Variants in ADAM23 observed in about 807,000 individuals in gnomAD.
ADAM23 encodes the protein ADAM metallopeptidase domain 23.
In ADAM23, 33 loss-of-function variants were observed where a neutral mutation model predicts 120.1. The observed-to-expected ratio is 0.27, with a 90% CI of 0.21 to 0.37. The LOEUF (loss-of-function observed/expected upper bound fraction) is 0.37, where lower values mean the gene tolerates loss of function less well. Ranked by LOEUF, ADAM23 falls within the 10% of genes least tolerant of loss-of-function variation. The probability of loss-of-function intolerance (pLI) is 1.00; values close to 1 mark genes in which losing one functional copy is unlikely to be tolerated. For synonymous variants in ADAM23, 367 were observed against 375.2 expected (o/e 0.98, Z 0.25); for missense variants, 862 against 1,058.2 (o/e 0.81, Z 2.57).
chr2:206,565,693 C>T (rs549658660), intron 14 of ADAM23, among the ~76,000 whole-genome samples: 4 of 152,276 alleles, frequency 2.6e-5, no homozygotes, highest in South Asian at 4.2e-4. Context: ...CTCATGGGAG[C>T]CACTGCCCCC....
At chr2:206,598,109 C>A (rs1698565315) in intron 24 of ADAM23, among the ~76,000 whole-genome samples, 1 of 152,126 alleles carries the variant, frequency 6.6e-6, no homozygotes, top group African/African-American at 2.4e-5. Flanking sequence ...ACAAAAAATT[C>A]TTGGATCCAC....
intron 24 of ADAM23, chr2:206,607,200 A>C (rs1306655978): frequency 1.3e-5 from 2 of 152,234 alleles, no homozygotes; most frequent in Admixed American, 6.5e-5. Context: ...AGGGGAAGCT[A>C]GAAATACTAG....
At chr2:206,506,053 C>T (rs1696490584) in intron 3 of ADAM23, among the ~76,000 whole-genome samples, 1 of 152,110 alleles carries the variant, frequency 6.6e-6, no homozygotes, top group Non-Finnish European at 1.5e-5. Context: ...TAGAATGGAT[C>T]ATCACATTAA....
chr2:206,539,204 G>C (rs2105804678), intron 4 of ADAM23, among the ~76,000 whole-genome samples: 1 of 152,278 alleles, frequency 6.6e-6, no homozygotes, highest in African/African-American at 2.4e-5. Flanking sequence ...GAGCATACTA[G>C]GATTTTTAAT....
At chr2:206,540,216 T>TACACACACACACACACACAC (rs71034461) in intron 4 of ADAM23, among the ~76,000 whole-genome samples, 34 of 131,932 alleles carry the variant, frequency 2.6e-4, no homozygotes, top group African/African-American at 8.6e-4. Context: ...CCCTTCACTG[T>TACACACACACACACACACAC]ACACACACAC....
At chr2:206,596,435 C>A (rs1921663) in intron 24 of ADAM23, among the ~76,000 whole-genome samples, 61,846 of 151,952 alleles carry the variant, frequency 0.41, 13,100 homozygotes, top group Non-Finnish European at 0.47. Context: ...CTCTTTAAAC[C>A]TTATTCTCTT....
At chr2:206,575,844 A>G (rs528066600) in intron 18 of ADAM23, among the ~76,000 whole-genome samples, 1 of 152,288 alleles carries the variant, frequency 6.6e-6, no homozygotes, top group South Asian at 2.1e-4. Context: ...CTTCTTCCCA[A>G]GCTTATCATT....
At chr2:206,497,786 A>T (rs1270311866) in intron 3 of ADAM23, among the ~76,000 whole-genome samples, 2 of 152,206 alleles carry the variant, frequency 1.3e-5, no homozygotes, top group African/African-American at 4.8e-5. Flanking sequence ...CCTTAAGCTG[A>T]TAAGCAACTT....
intron 18 of ADAM23, among the ~76,000 whole-genome samples, chr2:206,577,007 A>G (rs1044706594): frequency 6.6e-6 from 1 of 152,194 alleles, no homozygotes; most frequent in African/African-American, 2.4e-5. Flanking sequence ...TGTATAGCAT[A>G]ATGTACAAGG....
chr2:206,490,088 A>G (rs1029223495), intron 3 of ADAM23, among the ~76,000 whole-genome samples: 4 of 152,206 alleles, frequency 2.6e-5, no homozygotes, highest in Admixed American at 1.3e-4. Context: ...GTGGCCCTTA[A>G]TTTAATATTA....
chr2:206,595,547 G>A (rs1475086568), intron 23 of ADAM23, among the ~76,000 whole-genome samples: 4 of 152,152 alleles, frequency 2.6e-5, no homozygotes, highest in Admixed American at 6.5e-5. Context: ...GGTGTTGGAC[G>A]TGGTAACGGT....
chr2:206,617,774 G>A lies in ADAM23; in HGVS notation c.*147G>A. The A allele has an allele frequency of 6.9e-7, 1 of 1,446,666 alleles. No homozygotes were observed. Among genetic ancestry groups the A allele is most frequent in the Non-Finnish European group, 9.1e-7 (1 of 1,096,284 alleles). The allele number at this position is 1,446,666 out of a possible 1,614,324, so 89.6% of individuals were successfully genotyped here. A position where few individuals can be genotyped will look rare whatever the true frequency, so the allele number is the denominator to read the frequency against. ...GCTAAAGTTGGGGTGACAAGGATGG[G>A]GTAAAAGAAAACTGTCTCTTTTGGA... On this transcript the variant is annotated 3_prime_UTR_variant, in exon 26 of 26. Coordinates refer to ENST00000264377, the MANE Select transcript of ADAM23 (RefSeq NM_003812.4).
intron 8 of ADAM23, among the ~76,000 whole-genome samples, chr2:206,548,963 G>A (rs1697457440): frequency 1.3e-5 from 2 of 152,204 alleles, no homozygotes; most frequent in South Asian, 2.1e-4. Context: ...TAGGGGCTTT[G>A]TAATTGAAAT....
At position 206,520,563 on chromosome 2, in the gene ADAM23, G is replaced by A. The variant is rs772836421; in HGVS notation, c.510-10322G>A. Among the ~76,000 whole-genome samples the A allele has an allele frequency of 2.6e-5, 4 of 151,914 alleles. 1 individual carries two copies. The highest frequency in any genetic ancestry group is 1.3e-4 in the Admixed American group (2 of 15,242). On this transcript the variant is annotated intron_variant, in intron 3 of 25. Transcript: ENST00000264377. ...TTTCTCTCACTCAGTATCTTCGGCC[G>A]TTAATTGAATGAGTGGAGGACAGTT...
intron 2 of ADAM23, among the ~76,000 whole-genome samples, chr2:206,462,024 A>G (rs1463970487): frequency 1.3e-5 from 2 of 152,054 alleles, no homozygotes; most frequent in East Asian, 3.9e-4. Flanking sequence ...TGTTGGGGGG[A>G]TCACACTGCC....
chr2:206,503,421 T>C (rs1260827874), intron 3 of ADAM23, among the ~76,000 whole-genome samples: 1 of 152,152 alleles, frequency 6.6e-6, no homozygotes, highest in African/African-American at 2.4e-5. Context: ...CTCCTAAAAC[T>C]AGGCCTGACA....
At chr2:206,452,331 C>T (rs553787297) in intron 2 of ADAM23, among the ~76,000 whole-genome samples, 1 of 152,324 alleles carries the variant, frequency 6.6e-6, no homozygotes, top group East Asian at 1.9e-4. Flanking sequence ...TTTCCAGCAG[C>T]CTACAGCTGA....
Position 206,603,961 on chromosome 2 carries a change from C to CA in ADAM23, c.2360-5932dup, listed in dbSNP as rs556443421. On this transcript the variant is annotated intron_variant, in intron 24 of 25. Coordinates refer to ENST00000264377, the MANE Select transcript of ADAM23 (RefSeq NM_003812.4). ...GAGAACCAATGCCTGAAACTTAAGCCAAAAAAAAAAAAAAAAAGTTATGAC... is the reference window on the plus strand; with the variant it reads ...GAGAACCAATGCCTGAAACTTAAGCCAAAAAAAAAAAAAAAAAAGTTATGAC... 3.7e-3 allele frequency among the ~76,000 whole-genome samples: 417 copies of CA among 112,864 alleles called. 2 individuals are homozygous for CA. The highest frequency in any genetic ancestry group is 0.019 in the East Asian group (77 of 4,008). 74.0% of individuals were successfully genotyped at this position (112,864 alleles called of 152,430 possible).
Position 206,619,208 on chromosome 2 carries a change from G to T in ADAM23, c.*1581G>T, listed in dbSNP as rs547569605. The T allele has an allele frequency of 1.3e-5, 2 of 152,174 alleles. No individual in the cohort carries two copies. The highest frequency in any genetic ancestry group is 4.8e-5 in the African/African-American group (2 of 41,446). 9.4% of individuals were successfully genotyped at this position (152,174 alleles called of 1,614,324 possible). A position where few individuals can be genotyped will look rare whatever the true frequency, so the allele number is the denominator to read the frequency against. ...CTGGCATTTTACTGATCAGTGGACC[G>T]TTGCACTGGATTATAATGGGATTCT... On this transcript the variant is annotated 3_prime_UTR_variant, in exon 26 of 26. Coordinates refer to ENST00000264377, the MANE Select transcript of ADAM23 (RefSeq NM_003812.4).
Sources: allele counts gnomAD v4.1 joint callset (sites outside exome capture counted in the v4.1 genomes callset), GRCh38; gene constraint gnomAD v4.1.1; transcripts MANE v1.5; gene names NCBI Gene and HGNC (gene_info 2026-07-23, HGNC 2026-07-21).